The following FRMPD1 variants were observed in gnomAD, a reference collection of about 807,000 sequenced individuals.
FRMPD1 encodes the protein FERM and PDZ domain-containing protein 1.
Under a neutral mutation model 117.8 loss-of-function variants are expected in FRMPD1, and 76 were observed. That is an observed-to-expected ratio of 0.65 (90% CI 0.54 to 0.78). The LOEUF is 0.78. Ranked by LOEUF, FRMPD1 falls within the 30% of genes least tolerant of loss-of-function variation. The pLI is 0.00. For missense variants in FRMPD1, 1,786 were observed against 1,964.5 expected (o/e 0.91, Z 1.72); for synonymous variants, 783 against 770.4 (o/e 1.02, Z -0.27).
the FRMPD1 span, among the ~76,000 whole-genome samples, chr9:37,609,566 C>T: frequency 5.3e-5 from 8 of 152,176 alleles, no homozygotes. Flanking sequence ...CTCACTCCTC[C>T]ACTGTTACTT....
intron 5 of FRMPD1, among the ~76,000 whole-genome samples, chr9:37,716,246 A>T (rs1823113981): frequency 6.6e-6 from 1 of 152,186 alleles, no homozygotes; most frequent in Non-Finnish European, 1.5e-5. Context: ...TTTCCAAGGG[A>T]TAGCTTCCAA....
intron 12 of FRMPD1, among the ~76,000 whole-genome samples, chr9:37,734,056 T>C (rs1417091478): frequency 6.6e-6 from 1 of 152,192 alleles, no homozygotes; most frequent in African/African-American, 2.4e-5. Flanking sequence ...TTTCCGTCCT[T>C]GAAGGATGAA....
the FRMPD1 span, chr9:37,636,982 C>T: frequency 6.3e-7 from 1 of 1,580,586 alleles, no homozygotes; most frequent in African/African-American, 1.3e-5. Flanking sequence ...GGTCAATCTC[C>T]TGCAGCCACT....
chr9:37,671,801 A>C (rs951306525), intron 1 of FRMPD1, among the ~76,000 whole-genome samples: 29 of 152,242 alleles, frequency 1.9e-4, no homozygotes, highest in African/African-American at 6.5e-4. Context: ...CCCCATCTCT[A>C]CTAAAAATAC....
At chr9:37,711,447 G>A (rs779845053) in intron 5 of FRMPD1, 52 bp downstream of exon 5, 2 of 1,335,382 alleles carry the variant, frequency 1.5e-6, no homozygotes, top group East Asian at 4.6e-5. Flanking sequence ...TTGGCCCTAA[G>A]ACCCTGTTCC....
At chr9:37,644,210 G>A in the FRMPD1 span, among the ~76,000 whole-genome samples, 1 of 152,198 alleles carries the variant, frequency 6.6e-6, no homozygotes, top group South Asian at 2.1e-4. Context: ...TCTTCCCACA[G>A]AGCTATTTGC....
At chr9:37,712,700 C>A (rs1002597508) in intron 5 of FRMPD1, among the ~76,000 whole-genome samples, 2 of 152,154 alleles carry the variant, frequency 1.3e-5, no homozygotes, top group African/African-American at 4.8e-5. Context: ...TGAAGCTACA[C>A]TCAGAGTAAA....
intron 2 of FRMPD1, among the ~76,000 whole-genome samples, chr9:37,701,347 C>A (rs1202317398): frequency 6.6e-6 from 1 of 152,116 alleles, no homozygotes; most frequent in Non-Finnish European, 1.5e-5. Flanking sequence ...ACAAACTAGT[C>A]CAGAGAGGAC....
At position 37,664,787 on chromosome 9, in the gene FRMPD1, C is replaced by G. The variant is rs183986500; in HGVS notation, c.-5+13693C>G. Among the ~76,000 whole-genome samples the G allele has an allele frequency of 3.5e-3, 530 of 152,236 alleles. 4 individuals are homozygous for G. The highest frequency in any genetic ancestry group is 0.012 in the African/African-American group (516 of 41,522). ...CAAAGAAAAGAACTGCAAACAGAAG[C>G]CCCCTTATAAATCTAATAAATTAGG... On this transcript the variant is annotated intron_variant, in intron 1 of 15. Coordinates refer to ENST00000377765, the MANE Select transcript of FRMPD1 (RefSeq NM_014907.3).
chr9:37,734,362 T>A (rs1824027100), intron 12 of FRMPD1, among the ~76,000 whole-genome samples: 1 of 151,994 alleles, frequency 6.6e-6, no homozygotes, highest in Admixed American at 6.6e-5. Flanking sequence ...CCAAGCTGAG[T>A]CTCTGATTGT....
At chr9:37,616,305 C>T in the FRMPD1 span, among the ~76,000 whole-genome samples, 7 of 151,566 alleles carry the variant, frequency 4.6e-5, no homozygotes, top group Middle Eastern at 3.4e-3. Flanking sequence ...TTAGTAAAGA[C>T]GGGGTTTCAC....
At chr9:37,742,411 A>G in intron 15 of FRMPD1, among the ~76,000 whole-genome samples, 1 of 152,088 alleles carries the variant, frequency 6.6e-6, no homozygotes, top group East Asian at 1.9e-4. Context: ...TTTGTTTTTT[A>G]TAGGGAGCCA....
At chr9:37,723,582 G>T (rs1465799131) in intron 6 of FRMPD1, among the ~76,000 whole-genome samples, 1 of 152,232 alleles carries the variant, frequency 6.6e-6, no homozygotes, top group Non-Finnish European at 1.5e-5. Context: ...AACAGGCCAG[G>T]CATGGTGGCT....
the FRMPD1 span, among the ~76,000 whole-genome samples, chr9:37,622,239 G>A: frequency 3.9e-5 from 6 of 152,148 alleles, no homozygotes; most frequent in Admixed American, 6.5e-5. Flanking sequence ...TGCCTGAGAC[G>A]GTGAATGTGA....
intron 10 of FRMPD1, 110 bp from the exon 11 acceptor site, chr9:37,733,363 A>G: frequency 1.9e-6 from 2 of 1,026,592 alleles, no homozygotes; most frequent in Non-Finnish European, 2.9e-6. Flanking sequence ...GTGGCTCGTA[A>G]TTGCTGTATT....
intron 2 of FRMPD1, among the ~76,000 whole-genome samples, chr9:37,695,562 T>C (rs1304190378): frequency 2.0e-5 from 3 of 152,162 alleles, no homozygotes; most frequent in Admixed American, 2.0e-4. Context: ...GAATTTCTTC[T>C]CATCTGTAAT....
chr9:37,657,320 T>G (rs1257730552), intron 1 of FRMPD1, among the ~76,000 whole-genome samples: 2 of 152,272 alleles, frequency 1.3e-5, no homozygotes, highest in African/African-American at 4.8e-5. Flanking sequence ...GCTTCTGAGT[T>G]ACTGCTTTGT....
chr9:37,733,579 T>A lies in FRMPD1; in HGVS notation c.1102T>A (p.Leu368Met), dbSNP rs772612722. ...ISFHMKRNQN[L>M]LEPRQKQLIS... The stretch of plus-strand genomic sequence containing the variant: ...CTTCCACATGAAGAGGAACCAGAAT[T>A]TGCTGGAACCCCGACAGAAGGTAAT... Residue 368 changes from leucine (L) to methionine (M), a missense_variant, in exon 11 of 16, where the codon TTG becomes ATG. Transcript: ENST00000377765. The A allele has an allele frequency of 6.2e-7, 1 of 1,614,044 alleles. No homozygotes were observed. Among genetic ancestry groups the A allele is most frequent in the South Asian group, 1.1e-5 (1 of 91,042 alleles).
upstream of FRMPD1, chr9:37,650,892 C>G (rs962739903): frequency 6.7e-6 from 1 of 148,360 alleles, no homozygotes; most frequent in Admixed American, 6.7e-5. Flanking sequence ...CACCTGCCGC[C>G]GCCAGACGGC....
Sources: allele counts gnomAD v4.1 joint callset (sites outside exome capture counted in the v4.1 genomes callset), GRCh38; gene constraint gnomAD v4.1.1; transcripts MANE v1.5; gene names NCBI Gene and HGNC (gene_info 2026-07-23, HGNC 2026-07-21).